ZNF407: variants seen among roughly 807,000 people sequenced by gnomAD.
The protein encoded by ZNF407 is zinc finger protein 407.
Under a neutral mutation model 131.2 loss-of-function variants are expected in ZNF407, and 17 were observed. The observed-to-expected ratio is 0.13, with a 90% confidence interval of 0.09 to 0.19. The LOEUF (loss-of-function observed/expected upper bound fraction) is 0.19. ZNF407 is among the 10% of genes least tolerant of loss of function. ZNF407 has a pLI of 1.00. For synonymous variants in ZNF407, 1,156 were observed against 1,062.0 expected (o/e 1.09, Z -1.72); for missense variants, 2,681 against 2,830.6 (o/e 0.95, Z 1.20).
At chr18:75,011,320 G>A (rs369264440) in intron 8 of ZNF407, among the ~76,000 whole-genome samples, 15 of 152,050 alleles carry the variant, frequency 9.9e-5, no homozygotes, top group African/African-American at 3.6e-4. Context: ...TTTTTGGAAG[G>A]TGTTTGAATA....
intron 8 of ZNF407, among the ~76,000 whole-genome samples, chr18:74,987,706 C>G (rs559976730): frequency 6.6e-6 from 1 of 151,542 alleles, no homozygotes; most frequent in African/African-American, 2.4e-5. Flanking sequence ...AAAAAAAAAA[C>G]TGGATTAGAA....
intron 3 of ZNF407, among the ~76,000 whole-genome samples, chr18:74,714,013 G>A (rs1599092213): frequency 6.6e-6 from 1 of 152,270 alleles, no homozygotes; most frequent in South Asian, 2.1e-4. Context: ...ATGCCTAAAT[G>A]TATTAAGCTG....
chr18:74,827,312 C>T (rs1348788828), intron 4 of ZNF407, among the ~76,000 whole-genome samples: 1 of 152,182 alleles, frequency 6.6e-6, no homozygotes, highest in African/African-American at 2.4e-5. Context: ...ATTGATGTTT[C>T]TAGCCTGAAT....
chr18:74,825,624 A>G (rs903062210), intron 4 of ZNF407, among the ~76,000 whole-genome samples: 3 of 152,188 alleles, frequency 2.0e-5, no homozygotes, highest in Admixed American at 6.5e-5. Flanking sequence ...ATGTATGCCA[A>G]TAGGAAACTG....
rs574904807 is a variant in ZNF407, at chr18:74,676,592, G to A, written c.4802+35470G>A. ...GCTGGGACTACAGGCGCCCACCACC[G>A]TGCCCGGGTAATTTTGTATTTTTAG... On this transcript the variant is annotated intron_variant, in intron 3 of 8. Coordinates refer to ENST00000299687, the MANE Select transcript of ZNF407 (RefSeq NM_017757.3). Among the ~76,000 whole-genome samples the A allele has an allele frequency of 8.2e-3, 1,201 of 146,470 alleles. 6 individuals are homozygous for A. Among genetic ancestry groups the A allele is most frequent in the Non-Finnish European group, 0.012 (806 of 66,502 alleles).
chr18:74,634,769 C>G lies in ZNF407; in HGVS notation c.3750C>G (p.Cys1250Trp), dbSNP rs764041497. 2 of 1,614,012 alleles carry G rather than the reference C, an allele frequency of 1.2e-6. No homozygotes were observed. Among genetic ancestry groups the G allele is most frequent in the Non-Finnish European group, 1.7e-6 (2 of 1,179,896 alleles). Residue 1250 changes from cysteine to tryptophan, a missense_variant, in exon 2 of 9, where the codon TGC (cysteine) becomes TGG (tryptophan). Around this residue, in one of 6 missense-constraint regions of ZNF407, gnomAD observed 1,789 missense variants for 1,748.7 expected, o/e 1.02. Coordinates refer to ENST00000299687, the MANE Select transcript of ZNF407 (RefSeq NM_017757.3). ...GTGTTGTCCCCCACAGACACCTGTG[C>G]CCTGTGACGCTCGATGGGGAGCGCT... ...GGGVVPHRHL[C>W]PVTLDGERSA... is the part of the protein sequence containing the mutation.
intron 3 of ZNF407, among the ~76,000 whole-genome samples, chr18:74,767,960 C>T (rs1304177322): frequency 6.6e-6 from 1 of 151,776 alleles, no homozygotes; most frequent in South Asian, 2.1e-4. Context: ...CTACTGCGCC[C>T]TGCCCCTGAG....
intron 4 of ZNF407, among the ~76,000 whole-genome samples, chr18:74,811,113 G>T (rs935479774): frequency 6.6e-6 from 1 of 151,912 alleles, no homozygotes; most frequent in Non-Finnish European, 1.5e-5. Context: ...GAAAATTTTC[G>T]CAACCTACTC....
chr18:74,835,883 G>A (rs1182745876), intron 4 of ZNF407, among the ~76,000 whole-genome samples: 2 of 152,038 alleles, frequency 1.3e-5, no homozygotes, highest in East Asian at 1.9e-4. Flanking sequence ...TCACAGGTAC[G>A]GGTATGCTGG....
chr18:74,924,310 T>C, intron 8 of ZNF407, among the ~76,000 whole-genome samples: 1 of 152,074 alleles, frequency 6.6e-6, no homozygotes, highest in Non-Finnish European at 1.5e-5. Flanking sequence ...TGAGTTGTAT[T>C]CTTTTCTGTA....
intron 3 of ZNF407, among the ~76,000 whole-genome samples, chr18:74,735,913 A>T (rs1437913325): frequency 6.6e-6 from 1 of 152,232 alleles, no homozygotes; most frequent in African/African-American, 2.4e-5. Flanking sequence ...GCTGAAAATG[A>T]GCAGAACGAC....
intron 3 of ZNF407, among the ~76,000 whole-genome samples, chr18:74,733,833 C>T (rs1268476839): frequency 2.6e-5 from 4 of 152,192 alleles, no homozygotes; most frequent in Non-Finnish European, 5.9e-5. Context: ...CATCATCCTG[C>T]AGTTGAGCAG....
At chr18:74,612,098 C>G (rs79149909) in intron 1 of ZNF407, among the ~76,000 whole-genome samples, 1 of 152,004 alleles carries the variant, frequency 6.6e-6, no homozygotes, top group South Asian at 2.1e-4. Context: ...AAGGATAATA[C>G]GCAGCTGGAA....
intron 3 of ZNF407, among the ~76,000 whole-genome samples, chr18:74,727,406 G>T (rs1022262461): frequency 1.3e-5 from 2 of 152,128 alleles, no homozygotes; most frequent in African/African-American, 4.8e-5. Flanking sequence ...TCCAGGTTCT[G>T]CTGGTTATTT....
At chr18:74,796,345 G>C (rs894424175) in intron 4 of ZNF407, among the ~76,000 whole-genome samples, 3 of 152,148 alleles carry the variant, frequency 2.0e-5, no homozygotes, top group Non-Finnish European at 4.4e-5. Context: ...TAGAGCGTTA[G>C]GTTTTGTTAC....
intron 8 of ZNF407, among the ~76,000 whole-genome samples, chr18:74,998,505 T>C (rs1327971776): frequency 6.6e-6 from 1 of 152,218 alleles, no homozygotes; most frequent in African/African-American, 2.4e-5. Flanking sequence ...ATCACTTCTA[T>C]GTTGATGTAC....
intron 8 of ZNF407, among the ~76,000 whole-genome samples, chr18:74,937,133 G>A (rs934689224): frequency 2.6e-5 from 4 of 152,162 alleles, no homozygotes; most frequent in African/African-American, 9.7e-5. Flanking sequence ...CCTGTATAGA[G>A]CATCTGGAAA....
At chr18:74,827,720 G>T (rs561355007) in intron 4 of ZNF407, among the ~76,000 whole-genome samples, 1 of 152,278 alleles carries the variant, frequency 6.6e-6, no homozygotes, top group Admixed American at 6.5e-5. Context: ...CCTTATGCCT[G>T]CTTGGATGTC....
At chr18:74,849,100 C>T (rs1368172342) in intron 4 of ZNF407, among the ~76,000 whole-genome samples, 9 of 125,686 alleles carry the variant, frequency 7.2e-5, no homozygotes, top group African/African-American at 1.5e-4. Flanking sequence ...GTTGTTGAGA[C>T]GGGGTTTTTC....
Sources: allele counts gnomAD v4.1 joint callset (sites outside exome capture counted in the v4.1 genomes callset), GRCh38; gene constraint gnomAD v4.1.1; regional missense constraint gnomAD v4.1.1; transcripts MANE v1.5; gene names NCBI Gene and HGNC (gene_info 2026-07-23, HGNC 2026-07-21).